GBE1: variants seen among roughly 807,000 people sequenced by gnomAD.
GBE1 encodes the protein 1,4-alpha-glucan branching enzyme 1.
A neutral mutation model predicts 88.8 loss-of-function variants in GBE1; 70 were observed. That is an observed-to-expected ratio of 0.79 (90% confidence interval 0.65 to 0.96). GBE1 has a LOEUF of 0.96. Among genes scored for constraint, GBE1 ranks in the 40% least tolerant of loss-of-function variants. The probability of loss-of-function intolerance (pLI) is 0.00; values close to 1 mark genes in which losing one functional copy is unlikely to be tolerated. For missense variants in GBE1, 872 were observed against 871.0 expected, an observed-to-expected ratio of 1.00 and a Z score of -0.01; for synonymous variants, 284 against 300.1, an observed-to-expected ratio of 0.95 and a Z score of 0.56.
intron 3 of GBE1, among the ~76,000 whole-genome samples, chr3:81,656,149 T>C (rs1311568506): frequency 1.3e-5 from 2 of 152,130 alleles, no homozygotes; most frequent in African/African-American, 4.8e-5. Context: ...TCCCAAAAGA[T>C]ATCCACACCC....
chr3:81,559,216 G>A (rs1048582537), intron 12 of GBE1, among the ~76,000 whole-genome samples: 1 of 151,952 alleles, frequency 6.6e-6, no homozygotes, highest in African/African-American at 2.4e-5. Context: ...AGTAAAATGC[G>A]AATGCCTAGG....
At chr3:81,523,980 A>G (rs1702907938) in intron 14 of GBE1, among the ~76,000 whole-genome samples, 1 of 151,780 alleles carries the variant, frequency 6.6e-6, no homozygotes, top group African/African-American at 2.4e-5. Flanking sequence ...TATCTGCTCC[A>G]TATACTGATT....
At chr3:81,702,736 G>A (rs1705718286) in intron 2 of GBE1, among the ~76,000 whole-genome samples, 1 of 151,950 alleles carries the variant, frequency 6.6e-6, no homozygotes. Context: ...AGTTAACAGA[G>A]GACATTTTTA....
chr3:81,700,493 T>C (rs1163801126), intron 2 of GBE1, among the ~76,000 whole-genome samples: 3 of 152,180 alleles, frequency 2.0e-5, no homozygotes, highest in African/African-American at 7.2e-5. Context: ...TATTAGATTC[T>C]ACAGAAATAA....
At position 81,604,716 on chromosome 3, in the gene GBE1, TA is replaced by T. The variant is rs1204716796; in HGVS notation, c.993-10694del. On this transcript the variant is annotated intron_variant, in intron 7 of 15. Transcript: ENST00000429644. Reference sequence around the variant, plus strand: ...TTTACTTCACTAAAATAAAGGCACATAAGCAATGATTATGATACTTTTTGGA... The same window carrying T: ...TTTACTTCACTAAAATAAAGGCACATAGCAATGATTATGATACTTTTTGGA... 9.2e-5 allele frequency among the ~76,000 whole-genome samples: 14 copies of T among 152,092 alleles called. No individual in the cohort carries two copies. In the East Asian group the frequency reaches 2.7e-3, roughly 29 times the overall value.
At chr3:81,515,417 C>T (rs1044216343) in intron 14 of GBE1, among the ~76,000 whole-genome samples, 2 of 151,504 alleles carry the variant, frequency 1.3e-5, no homozygotes, top group Non-Finnish European at 3.0e-5. Context: ...AAATCATGCA[C>T]ATATGCAACC....
chr3:81,512,467 G>A (rs907838395), intron 14 of GBE1, among the ~76,000 whole-genome samples: 1 of 151,734 alleles, frequency 6.6e-6, no homozygotes, highest in Non-Finnish European at 1.5e-5. Context: ...AACCAGGATG[G>A]TATTACCCTG....
chr3:81,710,941 A>G (rs1447519576), intron 1 of GBE1, among the ~76,000 whole-genome samples: 1 of 152,218 alleles, frequency 6.6e-6, no homozygotes, highest in Non-Finnish European at 1.5e-5. Flanking sequence ...AGTTATGGAA[A>G]GTCTGGAAGA....
At chr3:81,723,023 A>G (rs1706057183) in intron 1 of GBE1, among the ~76,000 whole-genome samples, 2 of 151,512 alleles carry the variant, frequency 1.3e-5, no homozygotes, top group Non-Finnish European at 2.9e-5. Flanking sequence ...TAACAATAGT[A>G]GGCACTCCTG....
intron 14 of GBE1, among the ~76,000 whole-genome samples, chr3:81,502,258 C>T (rs1702596878): frequency 2.0e-5 from 3 of 152,032 alleles, no homozygotes; most frequent in African/African-American, 7.2e-5. Context: ...AATTGCTATA[C>T]AAGGATTCAT....
intron 13 of GBE1, among the ~76,000 whole-genome samples, chr3:81,535,699 G>A (rs1194413025): frequency 6.6e-6 from 1 of 151,836 alleles, no homozygotes; most frequent in African/African-American, 2.4e-5. Context: ...AGCTTAATGC[G>A]GTTAGGTACA....
chr3:81,710,534 ACT>A (rs1449793479), intron 1 of GBE1, among the ~76,000 whole-genome samples: 3 of 151,570 alleles, frequency 2.0e-5, no homozygotes, highest in African/African-American at 4.8e-5. Context: ...TCAAATCCTA[ACT>A]CTGTTACACA....
chr3:81,677,508 T>C lies in GBE1; in HGVS notation c.314-6555A>G, dbSNP rs370084786. ...ATGCAGAATGTATAAGAAATTATAATGCAAAGGCTTATAAAGATTGAAGTT... is the reference window on the plus strand; with the variant it reads ...ATGCAGAATGTATAAGAAATTATAACGCAAAGGCTTATAAAGATTGAAGTT... On this transcript the variant is annotated intron_variant, in intron 2 of 15. Coordinates refer to ENST00000429644, the MANE Select transcript of GBE1 (RefSeq NM_000158.4). 9.8e-4 allele frequency among the ~76,000 whole-genome samples: 149 copies of C among 152,308 alleles called. 1 individual carries two copies. In the Middle Eastern group the frequency reaches 0.01, roughly 10 times the overall value.
chr3:81,545,019 T>C (rs1703188719), intron 12 of GBE1, among the ~76,000 whole-genome samples: 1 of 152,120 alleles, frequency 6.6e-6, no homozygotes, highest in Non-Finnish European at 1.5e-5. Flanking sequence ...TACATGTATA[T>C]AAAAATAATG....
intron 7 of GBE1, among the ~76,000 whole-genome samples, chr3:81,634,085 G>A (rs1226355284): frequency 6.6e-6 from 1 of 152,144 alleles, no homozygotes; most frequent in Admixed American, 6.6e-5. Flanking sequence ...CCACCTCAGA[G>A]GAGATCCGTT....
chr3:81,529,263 TG>T (rs1702985010), intron 14 of GBE1, among the ~76,000 whole-genome samples: 1 of 151,932 alleles, frequency 6.6e-6, no homozygotes, highest in Admixed American at 6.6e-5. Flanking sequence ...AACTTCATCT[TG>T]CCAGCATTTT....
In GBE1 at chr3:81,518,642, T is replaced by C. The variant is rs116735052; in HGVS notation, c.1934+16553A>G. Among the ~76,000 whole-genome samples the C allele has an allele frequency of 7.7e-3, 1,171 of 151,366 alleles. 9 individuals carry two copies. Among genetic ancestry groups the C allele is most frequent in the Non-Finnish European group, 0.012 (813 of 67,568 alleles). ...GGGATTGTTAGACAGTGTTTAGCAA[T>C]GAAAAAATGATCAAAAGGACCTCTA... On this transcript the variant is annotated intron_variant, in intron 14 of 15. Transcript: ENST00000429644.
rs776330788 is a variant in GBE1, at chr3:81,646,430, G to C, written c.744C>G (p.Ser248Arg). 2 of 1,607,480 alleles carry C rather than the reference G, an allele frequency of 1.2e-6. No individual in the cohort carries two copies. The highest frequency in any genetic ancestry group is 1.1e-5 in the South Asian group (1 of 89,442). Residue 248 changes from serine (S) to arginine (R), a missense_variant, in exon 6 of 16, where the codon AGC becomes AGG. Coordinates refer to ENST00000429644, the MANE Select transcript of GBE1 (RefSeq NM_000158.4). ...MAIMEHAYYA[S>R]FGYQITSFFA... Reference sequence around the variant, plus strand: ...AGAAGCTTGTGATTTGGTAACCAAAGCTGGCATAGTAAGCATGCTCCATGA... The same window carrying C: ...AGAAGCTTGTGATTTGGTAACCAAACCTGGCATAGTAAGCATGCTCCATGA...
chr3:81,760,302 T>G (rs1706661312), intron 1 of GBE1, among the ~76,000 whole-genome samples: 1 of 152,230 alleles, frequency 6.6e-6, no homozygotes, highest in African/African-American at 2.4e-5. Context: ...CACTTGCTGA[T>G]TTGAATGCAT....
Sources: allele counts gnomAD v4.1 joint callset (sites outside exome capture counted in the v4.1 genomes callset), GRCh38; gene constraint gnomAD v4.1.1; transcripts MANE v1.5; gene names NCBI Gene and HGNC (gene_info 2026-07-23, HGNC 2026-07-21).